Variants in SMG7 observed in about 807,000 individuals in gnomAD.
SMG7 encodes SMG7 nonsense mediated mRNA decay factor.
Under a neutral mutation model 148.2 loss-of-function variants are expected in SMG7, and 34 were observed. That is an observed-to-expected ratio of 0.23 (90% CI 0.17 to 0.31). The LOEUF (loss-of-function observed/expected upper bound fraction) is 0.31. Ranked by LOEUF, SMG7 falls within the 10% of genes least tolerant of loss-of-function variation. The pLI is 1.00. For synonymous variants in SMG7, 492 were observed against 515.1 expected (o/e 0.96, Z 0.61); for missense variants, 1,114 against 1,408.4 (o/e 0.79, Z 3.35).
At chr1:183,544,291 C>A in intron 14 of SMG7, 62 bp from the exon 15 acceptor site, 1 of 1,382,162 alleles carries the variant, frequency 7.2e-7, no homozygotes. Flanking sequence ...GGAGTAGGGT[C>A]TTCTTTCTAG....
intron 1 of SMG7, among the ~76,000 whole-genome samples, chr1:183,512,525 A>G (rs1018657103): frequency 6.6e-6 from 1 of 152,186 alleles, no homozygotes; most frequent in Non-Finnish European, 1.5e-5. Context: ...TAAAAAGTTA[A>G]TATCATTTAA....
rs1368297084 is a variant in SMG7 at position 183,550,911 on chromosome 1, T to C, written c.3294T>C (p.Thr1098=). The change falls in exon 21 of 23, where the codon ACT becomes ACC. Residue 1098 remains threonine (T), a synonymous_variant. Transcript: ENST00000688051. ...RDRRTADRWK[T]DKPAMGGFGI... ...GAAGGACTGCAGATCGGTGGAAAAC[T>C]GATAAGCCAGGTGAGATCTACATTT... The C allele has an allele frequency of 1.4e-5, 22 of 1,614,000 alleles. No homozygotes were observed. The highest frequency in any genetic ancestry group is 1.9e-5 in the Non-Finnish European group (22 of 1,179,960).
At chr1:183,517,384 T>A (rs755479547) in intron 3 of SMG7, among the ~76,000 whole-genome samples, 15 of 152,220 alleles carry the variant, frequency 9.9e-5, no homozygotes, top group Non-Finnish European at 2.2e-4. Flanking sequence ...TTGCCACCAT[T>A]GTTCTGAATT....
chr1:183,521,155 T>C (rs1198569705), intron 4 of SMG7, among the ~76,000 whole-genome samples: 1 of 151,434 alleles, frequency 6.6e-6, no homozygotes, highest in Admixed American at 6.6e-5. Context: ...TCTCTGCCAC[T>C]GGAGTGCAGT....
chr1:183,503,698 G>A (rs1047549759), intron 1 of SMG7, among the ~76,000 whole-genome samples: 2 of 152,130 alleles, frequency 1.3e-5, no homozygotes, highest in African/African-American at 4.8e-5. Context: ...TAATTTGATG[G>A]TCATTGAACT....
At chr1:183,518,432 T>A (rs990337652) in intron 4 of SMG7, among the ~76,000 whole-genome samples, 1 of 152,092 alleles carries the variant, frequency 6.6e-6, no homozygotes, top group African/African-American at 2.4e-5. Flanking sequence ...GAAATGTGAA[T>A]TTATGGATAT....
Position 183,552,746 on chromosome 1 carries a change from A to G in SMG7, c.*815A>G, listed in dbSNP as rs1204328394. On this transcript the variant is annotated 3_prime_UTR_variant, in exon 23 of 23. Transcript: ENST00000688051. The stretch of plus-strand genomic sequence containing the variant: ...CAAATTACGTTTTTGATTCCTGTAC[A>G]TTTTACAGTCGCACAGCAAGCAGTC... 4 of 1,369,876 alleles carry G rather than the reference A, an allele frequency of 2.9e-6. No homozygotes were observed. Among genetic ancestry groups the G allele is most frequent in the African/African-American group, 1.5e-5 (1 of 68,598 alleles). 84.9% of individuals were successfully genotyped at this position (1,369,876 alleles called of 1,614,324 possible). A position where few individuals can be genotyped will look rare whatever the true frequency, so the allele number is the denominator to read the frequency against.
chr1:183,539,468 A>G (rs1178199170), intron 12 of SMG7, among the ~76,000 whole-genome samples: 1 of 152,010 alleles, frequency 6.6e-6, no homozygotes, highest in East Asian at 1.9e-4. Flanking sequence ...CACTTTGTAC[A>G]TTCACCCTGT....
intron 1 of SMG7, among the ~76,000 whole-genome samples, chr1:183,473,219 GGC>G (rs1651198218): frequency 6.6e-6 from 1 of 152,072 alleles, no homozygotes; most frequent in African/African-American, 2.4e-5. Context: ...GTAGTTAGTT[GGC>G]GGTGTGGGGA....
At chr1:183,484,917 T>TA (rs1278463827) in intron 1 of SMG7, among the ~76,000 whole-genome samples, 4 of 152,142 alleles carry the variant, frequency 2.6e-5, no homozygotes, top group African/African-American at 9.7e-5. Flanking sequence ...TACACTGACA[T>TA]ACCTTTTCTT....
At chr1:183,551,219 A>G (rs529568787) in intron 22 of SMG7, 29 bp downstream of exon 22, 96 of 1,546,330 alleles carry the variant, frequency 6.2e-5, no homozygotes, top group Non-Finnish European at 8.2e-5. Flanking sequence ...CAAGAACCAC[A>G]AGATTATTAC....
At chr1:183,489,359 C>T (rs956264673) in intron 1 of SMG7, among the ~76,000 whole-genome samples, 2 of 151,972 alleles carry the variant, frequency 1.3e-5, no homozygotes, top group African/African-American at 4.8e-5. Context: ...TTGTGAAGGG[C>T]AAGTGTGGTT....
intron 10 of SMG7, among the ~76,000 whole-genome samples, chr1:183,536,378 C>T (rs1667796024): frequency 6.6e-6 from 1 of 152,086 alleles, no homozygotes. Flanking sequence ...AAATCTTGCC[C>T]TGTCATATAT....
rs186042909 is a variant in SMG7, at chr1:183,477,712, G to A, written c.29+5063G>A. Among the ~76,000 whole-genome samples, 93 of 147,744 alleles carry A rather than the reference G, an allele frequency of 6.3e-4. 3 individuals are homozygous for A. The highest frequency in any genetic ancestry group is 9.9e-4 in the East Asian group (5 of 5,046). On this transcript the variant is annotated intron_variant, in intron 1 of 22. Coordinates refer to ENST00000688051, the MANE Select transcript of SMG7 (RefSeq NM_001375584.1). The stretch of plus-strand genomic sequence containing the variant: ...CATATGTGTATATATGCATATATAC[G>A]TGTGTGCATGTGTATATATGCATAT...
At position 183,551,809 on chromosome 1, in the gene SMG7, G is replaced by A. The variant is rs747352404; in HGVS notation, c.3451-9G>A. Reference sequence around the variant, plus strand: ...GACCTCTGCTGACAAGATCTGGACTGTTTTTCAGTCTATCTGGTCCAGTTC... The same window carrying A: ...GACCTCTGCTGACAAGATCTGGACTATTTTTCAGTCTATCTGGTCCAGTTC... On this transcript the variant is annotated splice_polypyrimidine_tract_variant and intron_variant, in intron 22 of 22. Coordinates refer to ENST00000688051, the MANE Select transcript of SMG7 (RefSeq NM_001375584.1). The A allele has an allele frequency of 1.3e-6, 2 of 1,594,022 alleles. No homozygotes were observed. The highest frequency in any genetic ancestry group is 1.7e-6 in the Non-Finnish European group (2 of 1,166,364).
chr1:183,499,131 T>C (rs1659206506), intron 1 of SMG7, among the ~76,000 whole-genome samples: 1 of 152,228 alleles, frequency 6.6e-6, no homozygotes, highest in Non-Finnish European at 1.5e-5. Context: ...CCATAGATTA[T>C]TTATCCTTTC....
rs201816290 is a variant in SMG7 at position 183,550,520 on chromosome 1, GC to G, written c.3134-229del. 2.0e-5 allele frequency among the ~76,000 whole-genome samples: 3 copies of G among 152,246 alleles called. No homozygotes were observed. The East Asian group carries it at 5.8e-4, about 29-fold the overall frequency. On this transcript the variant is annotated intron_variant, in intron 20 of 22. Transcript: ENST00000688051. ...GGCATTCATTCAGTTGACAAAAATT[GC>G]CTACTATTTTATTTTGCTTTTTTAA...
rs1008952800 is a variant in SMG7, at chr1:183,544,459, A to G, written c.1949A>G (p.His650Arg). The change falls in exon 15 of 23, where the codon CAT becomes CGT. Residue 650 changes from histidine to arginine, a missense_variant. Transcript: ENST00000688051. ...AGTAACTCCCAGTTCATCCCCATTC[A>G]TCACCCTGGAGCCTTCCCTCCTCTT... ...QASNSQFIPI[H>R]HPGAFPPLPS... 1.2e-6 allele frequency: 2 copies of G among 1,613,976 alleles called. No homozygotes were observed. Among genetic ancestry groups the G allele is most frequent in the African/African-American group, 1.3e-5 (1 of 75,038 alleles).
intron 1 of SMG7, among the ~76,000 whole-genome samples, chr1:183,493,912 TTA>T (rs1657718732): frequency 1.3e-5 from 2 of 152,206 alleles, no homozygotes; most frequent in African/African-American, 4.8e-5. Flanking sequence ...TTTTTGTTAG[TTA>T]TTGAGAGAGT....
Sources: gnomAD v4.1 joint callset for allele counts (sites outside exome capture counted in the v4.1 genomes callset) on GRCh38, gnomAD v4.1.1 for gene constraint, MANE v1.5 for transcripts, NCBI Gene and HGNC (gene_info 2026-07-23, HGNC 2026-07-21) for gene names.